The following EYS variants were observed in gnomAD, a reference collection of about 807,000 sequenced individuals.
EYS encodes the protein protein eyes shut homolog.
Under a neutral mutation model 282.1 loss-of-function variants are expected in EYS, and 250 were observed. The observed-to-expected ratio is 0.89, with a 90% confidence interval of 0.80 to 0.98. EYS has a LOEUF of 0.98. Ranked by LOEUF, EYS falls within the 50% of genes least tolerant of loss-of-function variation. The probability of loss-of-function intolerance (pLI) is 0.00; values close to 1 mark genes in which losing one functional copy is unlikely to be tolerated. For missense variants in EYS, 4,016 were observed against 3,709.0 expected (o/e 1.08, Z -2.15); for synonymous variants, 1,355 against 1,282.9 (o/e 1.06, Z -1.20).
chr6:64,688,810 T>C (rs2149912259), intron 22 of EYS, among the ~76,000 whole-genome samples: 1 of 152,258 alleles, frequency 6.6e-6, no homozygotes. Context: ...ATATGTCTAA[T>C]GTTGACAGTG....
chr6:64,995,646 T>C (rs9363309), intron 14 of EYS, among the ~76,000 whole-genome samples: 10,217 of 152,064 alleles, frequency 0.067, 433 homozygotes, highest in East Asian at 0.13. Context: ...TCTCCTTATG[T>C]TAAAATATAT....
intron 22 of EYS, among the ~76,000 whole-genome samples, chr6:64,702,401 A>G (rs919478781): frequency 1.3e-5 from 2 of 152,126 alleles, no homozygotes; most frequent in Non-Finnish European, 2.9e-5. Context: ...ACATATAACT[A>G]TGTAAAATAA....
chr6:64,346,559 G>T (rs951896676), intron 29 of EYS, among the ~76,000 whole-genome samples: 1 of 151,678 alleles, frequency 6.6e-6, no homozygotes, highest in African/African-American at 2.4e-5. Context: ...TTGTGGGGTG[G>T]GGGGAGTGGG....
At chr6:65,190,172 C>T (rs1026205733) in intron 12 of EYS, among the ~76,000 whole-genome samples, 1 of 150,186 alleles carries the variant, frequency 6.7e-6, no homozygotes, top group African/African-American at 2.4e-5. Context: ...TTTCGTGGGC[C>T]TATTTTCTTA....
At chr6:65,702,597 C>A (rs971549795) in intron 1 of EYS, among the ~76,000 whole-genome samples, 1 of 152,046 alleles carries the variant, frequency 6.6e-6, no homozygotes, top group African/African-American at 2.4e-5. Context: ...GATGCAGAGG[C>A]AGGAGAATCG....
chr6:63,755,016 T>C (rs1769441032), intron 41 of EYS, among the ~76,000 whole-genome samples: 1 of 152,150 alleles, frequency 6.6e-6, no homozygotes, highest in Non-Finnish European at 1.5e-5. Context: ...TCATTTCCTT[T>C]GCCCACTTTT....
intron 12 of EYS, among the ~76,000 whole-genome samples, chr6:65,219,701 C>A (rs547210758): frequency 6.6e-6 from 1 of 151,992 alleles, no homozygotes; most frequent in Non-Finnish European, 1.5e-5. Context: ...TAAAGACATG[C>A]AAGACTGGGT....
chr6:63,778,183 T>C lies in EYS; in HGVS notation c.7724-3A>G, dbSNP rs1407901884. 9.7e-6 allele frequency: 15 copies of C among 1,551,554 alleles called. No homozygotes were observed. The Admixed American group carries it at 2.9e-4, about 30-fold the overall frequency. On this transcript the variant is annotated splice_polypyrimidine_tract_variant and splice_region_variant and intron_variant, in intron 39 of 42. Transcript: ENST00000503581. ...AACTTGAAGAGTGAAAATACAGCCT[T>C]GAAGAAATGCAAAAACACTTCGTGT...
intron 2 of EYS, among the ~76,000 whole-genome samples, chr6:65,621,642 C>G (rs1220507929): frequency 1.3e-5 from 2 of 151,552 alleles, no homozygotes; most frequent in African/African-American, 2.4e-5. Context: ...CAGTTTCTTC[C>G]TAGTCTCGAT....
intron 19 of EYS, among the ~76,000 whole-genome samples, chr6:64,880,945 T>A (rs1017341814): frequency 6.6e-6 from 1 of 151,340 alleles, no homozygotes; most frequent in Non-Finnish European, 1.5e-5. Flanking sequence ...TGAATAAATT[T>A]TTTTTTTGAT....
chr6:65,508,206 G>T (rs1015492516), intron 2 of EYS, among the ~76,000 whole-genome samples: 1 of 152,132 alleles, frequency 6.6e-6, no homozygotes, highest in Admixed American at 6.5e-5. Context: ...CATCTACAGA[G>T]AATGTCTATG....
intron 26 of EYS, among the ~76,000 whole-genome samples, chr6:64,470,412 ATTAT>A (rs1335376540): frequency 6.6e-6 from 1 of 152,246 alleles, no homozygotes; most frequent in Non-Finnish European, 1.5e-5. Flanking sequence ...CAAAATAGAT[ATTAT>A]TTAAAAATAA....
intron 25 of EYS, among the ~76,000 whole-genome samples, chr6:64,592,235 A>G (rs1305902837): frequency 6.6e-6 from 1 of 152,178 alleles, no homozygotes; most frequent in Non-Finnish European, 1.5e-5. Flanking sequence ...AACAAATGGC[A>G]TTACATAGAA....
chr6:64,192,620 C>T (rs1353586839), intron 31 of EYS, among the ~76,000 whole-genome samples: 1 of 152,086 alleles, frequency 6.6e-6, no homozygotes, highest in African/African-American at 2.4e-5. Context: ...GGAAAACTGG[C>T]TAGCCATATG....
intron 2 of EYS, among the ~76,000 whole-genome samples, chr6:65,624,115 A>T (rs1405093808): frequency 6.6e-6 from 1 of 152,166 alleles, no homozygotes; most frequent in African/African-American, 2.4e-5. Context: ...CTGAGAAAAT[A>T]TTTTCTAAAA....
intron 2 of EYS, among the ~76,000 whole-genome samples, chr6:65,556,580 G>A (rs1043618663): frequency 6.6e-5 from 10 of 152,038 alleles, no homozygotes; most frequent in Non-Finnish European, 1.5e-4. Flanking sequence ...TCCAGTATGT[G>A]CTTCTCTAAA....
chr6:65,393,324 T>A (rs2055506), intron 7 of EYS, among the ~76,000 whole-genome samples: 31,122 of 151,852 alleles, frequency 0.2, 3,318 homozygotes, highest in South Asian at 0.35. Context: ...AAATATAATT[T>A]AAAAAAATTA....
At chr6:64,800,573 T>A (rs1317960724) in intron 22 of EYS, among the ~76,000 whole-genome samples, 1 of 152,008 alleles carries the variant, frequency 6.6e-6, no homozygotes, top group Middle Eastern at 3.4e-3. Flanking sequence ...GAAGCTTTTT[T>A]TTTTTTTAAA....
chr6:64,963,905 A>G (rs2150107544), intron 14 of EYS, among the ~76,000 whole-genome samples: 1 of 152,324 alleles, frequency 6.6e-6, no homozygotes, highest in Non-Finnish European at 1.5e-5. Context: ...GTTGTAATAC[A>G]TAATATAGAA....
Sources: allele counts gnomAD v4.1 joint callset (sites outside exome capture counted in the v4.1 genomes callset), GRCh38; gene constraint gnomAD v4.1.1; transcripts MANE v1.5; gene names NCBI Gene and HGNC (gene_info 2026-07-23, HGNC 2026-07-21).